The following FHAD1 variants were observed in gnomAD, a reference collection of about 807,000 sequenced individuals.
The protein encoded by FHAD1 is forkhead associated phosphopeptide binding domain 1.
A neutral mutation model predicts 191.3 loss-of-function variants in FHAD1; 146 were observed. The observed-to-expected ratio is 0.76, with a 90% CI of 0.67 to 0.88. The LOEUF (loss-of-function observed/expected upper bound fraction) is 0.88, where lower values mean the gene tolerates loss of function less well. FHAD1 is among the 40% of genes least tolerant of loss of function. The pLI is 0.00. For missense variants in FHAD1, 1,635 were observed against 1,785.8 expected (o/e 0.92, Z 1.52); for synonymous variants, 616 against 672.3 (o/e 0.92, Z 1.29).
At chr1:15,242,102 G>A (rs141203660) in intron 1 of FHAD1, among the ~76,000 whole-genome samples, 71 of 151,908 alleles carry the variant, frequency 4.7e-4, no homozygotes, top group African/African-American at 1.6e-3. Flanking sequence ...GCATGGTGGC[G>A]TGTGGCTGTA....
Position 15,289,769 on chromosome 1 carries a change from A to C in FHAD1, c.568+103A>C, listed in dbSNP as rs1482982497. 3 of 1,404,308 alleles carry C rather than the reference A, an allele frequency of 2.1e-6. No homozygotes were observed. In the African/African-American group the frequency reaches 4.3e-5, roughly 20 times the overall value. 87.0% of individuals were successfully genotyped at this position (1,404,308 alleles called of 1,614,324 possible). On this transcript the variant is annotated intron_variant, in intron 4 of 33. Coordinates refer to ENST00000688493, the MANE Select transcript of FHAD1 (RefSeq NM_001391957.1). The surrounding 1 kb of genome is among the most constrained non-coding windows in gnomAD (Gnocchi z 4.2). ...CTGATTCTAAAAGTAGAACATATTC[A>C]ATTGTAAAAAATGAAAATAAATTCA...
At chr1:15,353,103 C>G in intron 20 of FHAD1, 119 bp downstream of exon 20, 1 of 685,828 alleles carries the variant, frequency 1.5e-6, no homozygotes, top group Non-Finnish European at 2.5e-6. Context: ...GGACTTCAGG[C>G]TAGTACCTTA....
intron 33 of FHAD1, among the ~76,000 whole-genome samples, chr1:15,392,472 C>A (rs1410440880): frequency 1.3e-5 from 2 of 152,044 alleles, no homozygotes; most frequent in East Asian, 3.9e-4. Flanking sequence ...GCGGAGCTTG[C>A]AGTGAGCCGA....
At chr1:15,259,247 C>T (rs529703572) in intron 2 of FHAD1, among the ~76,000 whole-genome samples, 3 of 152,202 alleles carry the variant, frequency 2.0e-5, no homozygotes, top group East Asian at 3.9e-4. Context: ...TGAGGCATCT[C>T]GTGTGGTTTT....
At position 15,390,344 on chromosome 1, in the gene FHAD1, CAAAA is replaced by C. The variant is rs59353142; in HGVS notation, c.4270-846_4270-843del. Among the ~76,000 whole-genome samples the C allele has an allele frequency of 1.2e-3, 84 of 69,220 alleles. 1 individual carries two copies. The South Asian group carries it at 0.015, about 12-fold the overall frequency. 45.4% of individuals were successfully genotyped at this position (69,220 alleles called of 152,430 possible). ...TGGGTGACAGAGTAAGACTCTGTCTCAAAAAAAAAAAAAAAAAAAAAAAGGCACT... is the reference window on the plus strand; with the variant it reads ...TGGGTGACAGAGTAAGACTCTGTCTCAAAAAAAAAAAAAAAAAAAGGCACT... On this transcript the variant is annotated intron_variant, in intron 32 of 33. Transcript: ENST00000688493.
chr1:15,365,337 CTTTCT>C (rs1002295210), intron 23 of FHAD1, among the ~76,000 whole-genome samples: 3 of 151,818 alleles, frequency 2.0e-5, no homozygotes, highest in African/African-American at 7.3e-5. Context: ...TTTTTTCTTT[CTTTCT>C]TTTTTTTTTT....
intron 3 of FHAD1, among the ~76,000 whole-genome samples, chr1:15,279,441 G>A (rs911801226): frequency 2.3e-5 from 3 of 131,512 alleles, no homozygotes; most frequent in Non-Finnish European, 3.2e-5. Context: ...TGTCTGTTAG[G>A]GTTACCTCTC....
chr1:15,388,158 A>G (rs952351079), intron 32 of FHAD1, 27 bp downstream of exon 32: 1 of 1,259,218 alleles, frequency 7.9e-7, no homozygotes, highest in African/African-American at 1.5e-5. Context: ...GATGTTGCAG[A>G]CACAGAGTAG....
Position 15,289,695 on chromosome 1 carries a change from T to G in FHAD1, c.568+29T>G. Reference sequence around the variant, plus strand: ...TGCGTCAGGGCTGCCATTGGTGGCTTGGGGGTGGTTCACGGCCATGTGGAT... The same window carrying G: ...TGCGTCAGGGCTGCCATTGGTGGCTGGGGGGTGGTTCACGGCCATGTGGAT... On this transcript the variant is annotated intron_variant, in intron 4 of 33. Transcript: ENST00000688493. The surrounding 1 kb of genome is among the most constrained non-coding windows in gnomAD (Gnocchi z 4.2). The G allele has an allele frequency of 1.3e-6, 2 of 1,529,768 alleles. No individual in the cohort carries two copies. Among genetic ancestry groups the G allele is most frequent in the Non-Finnish European group, 1.8e-6 (2 of 1,131,052 alleles). The allele number at this position is 1,529,768 out of a possible 1,614,324, so 94.8% of individuals were successfully genotyped here.
At chr1:15,326,139 A>G (rs972710041) in intron 11 of FHAD1, 5 of 152,324 alleles carry the variant, frequency 3.3e-5, no homozygotes, top group African/African-American at 1.2e-4. Flanking sequence ...GTTTCCCATT[A>G]GAACTCCCCT....
chr1:15,309,333 T>C (rs1057436584), intron 7 of FHAD1, among the ~76,000 whole-genome samples: 15 of 152,234 alleles, frequency 9.9e-5, no homozygotes, highest in Admixed American at 9.8e-4. Flanking sequence ...AGCTGCTAGA[T>C]GCCAGGCACT....
rs997121372 is a variant in FHAD1 at position 15,311,370 on chromosome 1, C to T, written c.1040-1687C>T. On this transcript the variant is annotated intron_variant, in intron 7 of 33. Transcript: ENST00000688493. The surrounding 1 kb of genome is among the most constrained non-coding windows in gnomAD (Gnocchi z 4.1). ...CCAGGAGGAGCAGAGGGAACCATCT[C>T]GAAGCCCACGTAGGCCTGAGAGTAG... Among the ~76,000 whole-genome samples, 2 of 152,164 alleles carry T rather than the reference C, an allele frequency of 1.3e-5. No homozygotes were observed. The highest frequency in any genetic ancestry group is 1.9e-4 in the East Asian group (1 of 5,196).
At position 15,361,788 on chromosome 1, in the gene FHAD1, C is replaced by T. The variant is rs984204605; in HGVS notation, c.2963-854C>T. Among the ~76,000 whole-genome samples, 13 of 151,548 alleles carry T rather than the reference C, an allele frequency of 8.6e-5. 1 individual carries two copies. The highest frequency in any genetic ancestry group is 1.5e-4 in the Non-Finnish European group (10 of 67,910). On this transcript the variant is annotated intron_variant, in intron 22 of 33. Transcript: ENST00000688493. ...TCCGGAGGCCGAGGCCGGCGGATCA[C>T]TAGGCCAAGAGATCGAGACCATCCT...
intron 26 of FHAD1, among the ~76,000 whole-genome samples, chr1:15,373,148 A>G (rs546122581): frequency 6.6e-6 from 1 of 152,336 alleles, no homozygotes; most frequent in East Asian, 1.9e-4. Flanking sequence ...ATTTGTGTCG[A>G]TGTGAATTTT....
At chr1:15,374,456 T>C (rs774955679) in intron 26 of FHAD1, 46 bp from the exon 27 acceptor site, 15 of 1,545,828 alleles carry the variant, frequency 9.7e-6, no homozygotes, top group Admixed American at 2.0e-5. Flanking sequence ...GTAAGAGAAA[T>C]CTTCTAATCC....
At chr1:15,358,769 G>A (rs1240668559) in intron 21 of FHAD1, among the ~76,000 whole-genome samples, 2 of 152,118 alleles carry the variant, frequency 1.3e-5, no homozygotes, top group African/African-American at 2.4e-5. Flanking sequence ...AGGGCTCGAT[G>A]TGCATTCCCT....
At chr1:15,394,141 C>T (rs1173398316) in intron 33 of FHAD1, among the ~76,000 whole-genome samples, 1 of 152,184 alleles carries the variant, frequency 6.6e-6, no homozygotes, top group Non-Finnish European at 1.5e-5. Context: ...TTTCACATTC[C>T]CCATTCCCAG....
intron 4 of FHAD1, among the ~76,000 whole-genome samples, chr1:15,292,303 A>C (rs941362303): frequency 6.6e-6 from 1 of 150,758 alleles, no homozygotes; most frequent in African/African-American, 2.5e-5. Flanking sequence ...ACCCACCACC[A>C]GGCCTGGCTA....
intron 31 of FHAD1, chr1:15,383,159 A>G (rs1044424875): frequency 5.1e-5 from 24 of 471,558 alleles, no homozygotes; most frequent in Admixed American, 4.9e-4. Context: ...TCATTAGTAG[A>G]TGGGAGCTTC....
Sources: allele counts gnomAD v4.1 joint callset (sites outside exome capture counted in the v4.1 genomes callset), GRCh38; gene constraint gnomAD v4.1.1; non-coding constraint Gnocchi (gnomAD v3.1); transcripts MANE v1.5; gene names NCBI Gene and HGNC (gene_info 2026-07-23, HGNC 2026-07-21).